Variants in ZNF254 observed in about 807,000 individuals in gnomAD.
ZNF254 encodes zinc finger protein 254, also known as CTD-2017D11.1.
In ZNF254, 10 loss-of-function variants were observed where a neutral mutation model predicts 12.4. The observed-to-expected ratio is 0.80, with a 90% CI of 0.50 to 1.36. The LOEUF is 1.36. Ranked by LOEUF, ZNF254 falls within the 40% of genes most tolerant of loss-of-function variation. The probability of loss-of-function intolerance (pLI) is 0.00; values close to 1 mark genes in which losing one functional copy is unlikely to be tolerated. For missense variants in ZNF254, 996 were observed against 763.9 expected (o/e 1.30, Z -3.58); for synonymous variants, 305 against 253.4 (o/e 1.20, Z -1.93).
chr19:24,042,058 G>A (rs1340314051), intron 1 of ZNF254, among the ~76,000 whole-genome samples: 4 of 135,008 alleles, frequency 3.0e-5, no homozygotes, highest in African/African-American at 1.1e-4. Flanking sequence ...TGTAGCTCAA[G>A]GATTGTAAAT....
intron 1 of ZNF254, among the ~76,000 whole-genome samples, chr19:24,041,486 C>T (rs927196006): frequency 1.1e-4 from 16 of 152,242 alleles, no homozygotes; most frequent in Non-Finnish European, 2.2e-4. Flanking sequence ...TGTACTGAGT[C>T]CCCCAGCAGT....
intron 1 of ZNF254, among the ~76,000 whole-genome samples, chr19:24,041,719 C>A (rs1425705386): frequency 6.6e-6 from 1 of 152,256 alleles, no homozygotes; most frequent in Non-Finnish European, 1.5e-5. Context: ...GCAGGACTGG[C>A]AGGCAGCTTC....
At chr19:24,076,215 G>A (rs143903513) in intron 2 of ZNF254, among the ~76,000 whole-genome samples, 1 of 152,308 alleles carries the variant, frequency 6.6e-6, no homozygotes, top group Non-Finnish European at 1.5e-5. Flanking sequence ...GAAGTGATAA[G>A]TGTCCATGAA....
intron 1 of ZNF254, among the ~76,000 whole-genome samples, chr19:24,035,825 C>T (rs1269129114): frequency 6.6e-6 from 1 of 151,944 alleles, no homozygotes; most frequent in Non-Finnish European, 1.5e-5. Context: ...AAAAAAATAG[C>T]AATTTAGACA....
chr19:24,042,228 A>T (rs1323952206), intron 1 of ZNF254, among the ~76,000 whole-genome samples: 1 of 152,118 alleles, frequency 6.6e-6, no homozygotes, highest in East Asian at 1.9e-4. Context: ...ATATCTAACT[A>T]ATCTGATGGG....
chr19:24,055,272 T>C (rs1330205336), intron 2 of ZNF254, among the ~76,000 whole-genome samples: 1 of 146,576 alleles, frequency 6.8e-6, no homozygotes, highest in Non-Finnish European at 1.5e-5. Flanking sequence ...GGAGATTTTC[T>C]CTTTTTCTTT....
chr19:24,112,001 G>A (rs2145859954), intron 3 of ZNF254, among the ~76,000 whole-genome samples: 1 of 151,000 alleles, frequency 6.6e-6, no homozygotes, highest in South Asian at 2.1e-4. Context: ...TGCTTTTGGT[G>A]TTTTAGACAT....
chr19:24,126,888 T>G lies in ZNF254; in HGVS notation c.888T>G (p.Cys296Trp). 1 of 1,613,534 alleles carries G rather than the reference T, an allele frequency of 6.2e-7. No homozygotes were observed. The highest frequency in any genetic ancestry group is 1.1e-5 in the South Asian group (1 of 91,056). The change falls in exon 4 of 4, where the codon TGT (cysteine) becomes TGG (tryptophan). Residue 296 changes from cysteine to tryptophan, a missense_variant. Transcript: ENST00000357002. ...ATACTGGAGAGAAACCTTACAAGTG[T>G]GAAGAATGTGGCAAAGCATTTATCT... is the stretch of plus-strand genomic sequence containing the variant. Reference protein sequence around the residue: ...IIHTGEKPYKCEECGKAFIWS... With the variant: ...IIHTGEKPYKWEECGKAFIWS...
chr19:24,106,237 C>T (rs1973333416), intron 2 of ZNF254, 171 bp downstream of exon 2: 5 of 919,046 alleles, frequency 5.4e-6, no homozygotes, highest in Non-Finnish European at 6.1e-6. Flanking sequence ...CTGAACTTTC[C>T]ACATTCCTGA....
At chr19:24,083,855 TG>T (rs1971934945), upstream of ZNF254, among the ~76,000 whole-genome samples, 1 of 152,158 alleles carries the variant, frequency 6.6e-6, no homozygotes, top group Non-Finnish European at 1.5e-5. Flanking sequence ...CGCATGGTTT[TG>T]GTGAAAAGGG....
intron 1 of ZNF254, among the ~76,000 whole-genome samples, chr19:24,089,372 C>T (rs1972229941): frequency 6.6e-6 from 1 of 152,164 alleles, no homozygotes; most frequent in African/African-American, 2.4e-5. Context: ...AAAGAATAAT[C>T]TCCTGACACT....
chr19:24,081,718 C>T lies in ZNF254; in HGVS notation c.-93-24222C>T, dbSNP rs539851340. On this transcript the variant is annotated intron_variant, in intron 2 of 4. Coordinates refer to the ZNF254 transcript ENST00000613065. Reference sequence around the variant, plus strand: ...TGGCAAATAGACTATACTCAGATGCCCCCGTGTAAAGGGTTTAAATATTGA... The same window carrying T: ...TGGCAAATAGACTATACTCAGATGCTCCCGTGTAAAGGGTTTAAATATTGA... Among the ~76,000 whole-genome samples, 17 of 152,234 alleles carry T rather than the reference C, an allele frequency of 1.1e-4. 1 individual carries two copies. The South Asian group carries it at 3.5e-3, about 32-fold the overall frequency.
intron 1 of ZNF254, among the ~76,000 whole-genome samples, chr19:24,035,064 G>C (rs772692180): frequency 6.6e-6 from 1 of 152,126 alleles, no homozygotes; most frequent in Non-Finnish European, 1.5e-5. Flanking sequence ...AAGAAAAGAA[G>C]GTCAGAAAAA....
At chr19:24,055,231 A>G (rs1568429784) in intron 2 of ZNF254, among the ~76,000 whole-genome samples, 2 of 146,106 alleles carry the variant, frequency 1.4e-5, no homozygotes, top group Middle Eastern at 3.6e-3. Context: ...AAAAAAAAAA[A>G]AGAGTGTACT....
Position 24,106,542 on chromosome 19 carries a change from A to C in ZNF254, c.158-6A>C. ...AAGATTCATTTAGTTATTTTTAATA[A>C]AACAGGTATTGCTGTCTCTAAGCCA... is the stretch of plus-strand genomic sequence containing the variant. On this transcript the variant is annotated splice_region_variant and splice_polypyrimidine_tract_variant and intron_variant, in intron 2 of 3. Transcript: ENST00000357002. The C allele has an allele frequency of 6.4e-7, 1 of 1,573,128 alleles. No individual in the cohort carries two copies. The highest frequency in any genetic ancestry group is 8.6e-7 in the Non-Finnish European group (1 of 1,156,384).
chr19:24,086,213 A>G (rs1972033330), upstream of ZNF254, among the ~76,000 whole-genome samples: 1 of 152,204 alleles, frequency 6.6e-6, no homozygotes, highest in Non-Finnish European at 1.5e-5. Flanking sequence ...TCTAGACAAA[A>G]AATAAAAAAT....
chr19:24,098,433 A>G (rs1195854752), intron 1 of ZNF254: 1 of 152,180 alleles, frequency 6.6e-6, no homozygotes, highest in Non-Finnish European at 1.5e-5. Context: ...TATCAAAGGT[A>G]CTGGTGTAAG....
intron 1 of ZNF254, among the ~76,000 whole-genome samples, chr19:24,093,189 T>G (rs1972494351): frequency 6.6e-6 from 1 of 152,318 alleles, no homozygotes; most frequent in African/African-American, 2.4e-5. Context: ...TTCTGGACAT[T>G]AGACCTTTGT....
intron 1 of ZNF254, among the ~76,000 whole-genome samples, chr19:24,092,283 C>T (rs1972436981): frequency 6.6e-6 from 1 of 151,844 alleles, no homozygotes; most frequent in African/African-American, 2.4e-5. Context: ...TCTCCTGCTT[C>T]AGCCTCTCGA....
Sources: gnomAD v4.1 joint callset for allele counts (sites outside exome capture counted in the v4.1 genomes callset) on GRCh38, gnomAD v4.1.1 for gene constraint, MANE v1.5 for transcripts, NCBI Gene and HGNC (gene_info 2026-07-23, HGNC 2026-07-21) for gene names.